The following EDEM3 variants were observed in gnomAD, a reference collection of about 807,000 sequenced individuals.
EDEM3 encodes the protein ER degradation enhancing alpha-mannosidase like protein 3, also known as ER degradation-enhancing alpha-mannosidase-like protein 3.
A neutral mutation model predicts 110.2 loss-of-function variants in EDEM3; 60 were observed. That is an observed-to-expected ratio of 0.54 (90% CI 0.44 to 0.67). The LOEUF is 0.67. Ranked by LOEUF, EDEM3 falls within the 30% of genes least tolerant of loss-of-function variation. The pLI is 0.00. For missense variants in EDEM3, 996 were observed against 1,121.0 expected (o/e 0.89, Z 1.59); for synonymous variants, 352 against 382.9 (o/e 0.92, Z 0.94).
chr1:184,697,809 G>A (rs917409082), intron 19 of EDEM3, among the ~76,000 whole-genome samples: 2 of 151,638 alleles, frequency 1.3e-5, no homozygotes, highest in Non-Finnish European at 3.0e-5. Flanking sequence ...GAGCCTCAAA[G>A]GAATTAATAT....
rs1455574166 is a variant in EDEM3 at position 184,712,462 on chromosome 1, T to C, written c.1507A>G (p.Thr503Ala). ...TTCTTTTTAGAGATGCTTTGATTTG[T>C]AGTAGAGAGCCAAAGAGGTAACAGA... Reference protein sequence around the residue: ...AHLLPLWLSTTNQSISKKNTT... With the variant: ...AHLLPLWLSTANQSISKKNTT... The change falls in exon 14 of 20, where the codon ACA becomes GCA. Residue 503 changes from threonine to alanine, a missense_variant. Around this residue, in one of 5 missense-constraint regions of EDEM3, gnomAD observed 138 missense variants for 124.3 expected, o/e 1.11. Transcript: ENST00000318130. The C allele has an allele frequency of 2.5e-6, 4 of 1,600,148 alleles. No homozygotes were observed. Among genetic ancestry groups the C allele is most frequent in the Non-Finnish European group, 2.6e-6 (3 of 1,176,272 alleles).
chr1:184,726,215 T>C, intron 7 of EDEM3, 40 bp downstream of exon 7: 1 of 1,599,148 alleles, frequency 6.3e-7, no homozygotes. Context: ...AAGGTAGTTA[T>C]GCCCAATACC....
rs750112017 is a variant in EDEM3, at chr1:184,694,489, C to A, written c.2390-17G>T. The A allele has an allele frequency of 6.4e-7, 1 of 1,560,862 alleles. No homozygotes were observed. ...TTTCAGGATCTGTATGAGAAAGAAA[C>A]AAACCTCATGCTACTTCTCTAAAAA... is the stretch of plus-strand genomic sequence containing the variant. On this transcript the variant is annotated splice_polypyrimidine_tract_variant and intron_variant, in intron 19 of 19. Transcript: ENST00000318130.
intron 2 of EDEM3, among the ~76,000 whole-genome samples, chr1:184,746,939 A>G (rs1162077023): frequency 1.3e-5 from 2 of 151,928 alleles, no homozygotes; most frequent in African/African-American, 4.8e-5. Context: ...AGGCCCTGAA[A>G]TTCACCTTAA....
chr1:184,714,060 T>C (rs1650410176), intron 13 of EDEM3, among the ~76,000 whole-genome samples: 2 of 152,264 alleles, frequency 1.3e-5, no homozygotes, highest in Admixed American at 1.3e-4. Context: ...GCAATACACT[T>C]ATCATAATTC....
chr1:184,710,576 A>G lies in EDEM3; in HGVS notation c.1692-29T>C, dbSNP rs1395074014. ...CTAAAAGTAATTACAGGCAAGGCTT[A>G]AAAAACTATAAATTAGAATTGGCAA... On this transcript the variant is annotated intron_variant, in intron 15 of 19. Coordinates refer to ENST00000318130, the MANE Select transcript of EDEM3 (RefSeq NM_025191.4). The G allele has an allele frequency of 3.2e-6, 5 of 1,557,332 alleles. No individual in the cohort carries two copies. The East Asian group carries it at 1.1e-4, about 36-fold the overall frequency.
In EDEM3 at chr1:184,754,788, T is replaced by G; in HGVS notation, c.-142A>C. 1 of 1,324,846 alleles carries G rather than the reference T, an allele frequency of 7.5e-7. No homozygotes were observed. The allele number at this position is 1,324,846 out of a possible 1,614,324, so 82.1% of individuals were successfully genotyped here. ...ACGGACGGCCGCCGGCGCCAAACTG[T>G]TTCCCGAAGCCACCAAGCCGGTCCC... On this transcript the variant is annotated 5_prime_UTR_variant, in exon 1 of 20. Transcript: ENST00000318130.
intron 18 of EDEM3, among the ~76,000 whole-genome samples, chr1:184,706,317 T>C (rs548242168): frequency 2.6e-5 from 4 of 152,254 alleles, no homozygotes; most frequent in African/African-American, 9.6e-5. Flanking sequence ...CACAGTGTAA[T>C]TCTTGCCCTT....
chr1:184,714,987 T>C (rs1401486930), intron 13 of EDEM3, among the ~76,000 whole-genome samples: 1 of 152,152 alleles, frequency 6.6e-6, no homozygotes, highest in Non-Finnish European at 1.5e-5. Context: ...TCTTAACCTT[T>C]CATTTGGCTA....
At chr1:184,753,208 TTTTC>T (rs1652869761) in intron 1 of EDEM3, among the ~76,000 whole-genome samples, 2 of 152,202 alleles carry the variant, frequency 1.3e-5, no homozygotes, top group South Asian at 4.2e-4. Flanking sequence ...CAGATTTTTT[TTTTC>T]TTTTTTAAAA....
intron 7 of EDEM3, 113 bp downstream of exon 7, chr1:184,726,142 T>A (rs1017302802): frequency 1.5e-6 from 2 of 1,370,814 alleles, no homozygotes. Context: ...GACAAAAAGT[T>A]CACTAAAATA....
At chr1:184,734,420 G>T in intron 5 of EDEM3, 111 bp downstream of exon 5, 2 of 332,110 alleles carry the variant, frequency 6.0e-6, no homozygotes, top group Non-Finnish European at 1.0e-5. Flanking sequence ...AGTAAGCCAA[G>T]ATTGTCACTG....
At chr1:184,694,543 T>G in intron 19 of EDEM3, 71 bp from the exon 20 acceptor site, 1 of 1,412,526 alleles carries the variant, frequency 7.1e-7, no homozygotes, top group Non-Finnish European at 9.4e-7. Context: ...CCAAAGCATA[T>G]TGGTTTTTGC....
At chr1:184,696,929 C>A (rs754401798) in intron 19 of EDEM3, among the ~76,000 whole-genome samples, 17 of 151,674 alleles carry the variant, frequency 1.1e-4, no homozygotes, top group Non-Finnish European at 1.9e-4. Flanking sequence ...CTGATGTAAT[C>A]GGACAAGAAA....
intron 12 of EDEM3, 99 bp downstream of exon 12, chr1:184,717,433 TAATATTAA>T: frequency 1.3e-6 from 1 of 784,310 alleles, no homozygotes; most frequent in Non-Finnish European, 2.0e-6. Flanking sequence ...CCAATCATTA[TAATATTAA>T]AAGGGGACTC....
intron 13 of EDEM3, among the ~76,000 whole-genome samples, chr1:184,715,133 G>C (rs751652736): frequency 4.6e-5 from 7 of 152,038 alleles, no homozygotes; most frequent in Admixed American, 1.3e-4. Flanking sequence ...AGACAGTTAT[G>C]GTGCTGTGTG....
chr1:184,754,203 T>C (rs546700376), intron 1 of EDEM3, among the ~76,000 whole-genome samples: 19 of 152,302 alleles, frequency 1.2e-4, no homozygotes, highest in African/African-American at 4.6e-4. Context: ...AGCCCCCTTC[T>C]TGGGCCACTG....
At chr1:184,742,902 T>A (rs1001199611) in intron 2 of EDEM3, among the ~76,000 whole-genome samples, 2 of 152,214 alleles carry the variant, frequency 1.3e-5, no homozygotes, top group African/African-American at 4.8e-5. Flanking sequence ...CATTCAAATG[T>A]TAATTAGGTT....
At chr1:184,748,963 G>C (rs1652598484) in intron 2 of EDEM3, among the ~76,000 whole-genome samples, 1 of 152,124 alleles carries the variant, frequency 6.6e-6, no homozygotes, top group Admixed American at 6.5e-5. Flanking sequence ...TTGAATTCCA[G>C]AATTTGCTAT....
Sources: allele counts gnomAD v4.1 joint callset (sites outside exome capture counted in the v4.1 genomes callset), GRCh38; gene constraint gnomAD v4.1.1; regional missense constraint gnomAD v4.1.1; transcripts MANE v1.5; gene names NCBI Gene and HGNC (gene_info 2026-07-23, HGNC 2026-07-21).